CCNY: variants seen among roughly 807,000 people sequenced by gnomAD.
CCNY encodes cyclin-Y.
A neutral mutation model predicts 42.8 loss-of-function variants in CCNY; 19 were observed. The ratio of observed to expected loss-of-function variants is 0.44; its 90% CI spans 0.31 to 0.65. The LOEUF is 0.65. Among genes scored for constraint, CCNY ranks in the 30% least tolerant of loss-of-function variants. CCNY has a pLI of 0.07. For missense variants in CCNY, 370 were observed against 437.3 expected, an observed-to-expected ratio of 0.85 and a Z score of 1.37; for synonymous variants, 165 against 162.7, an observed-to-expected ratio of 1.01 and a Z score of -0.11.
intron 3 of CCNY, among the ~76,000 whole-genome samples, chr10:35,280,298 G>C (rs1008369569): frequency 1.1e-4 from 17 of 151,612 alleles, no homozygotes; most frequent in Non-Finnish European, 2.1e-4. Flanking sequence ...CTGCATTCCA[G>C]CCTGGGTGAA....
At chr10:35,317,726 G>A (rs556804453) in intron 3 of CCNY, among the ~76,000 whole-genome samples, 4 of 152,196 alleles carry the variant, frequency 2.6e-5, no homozygotes, top group Non-Finnish European at 4.4e-5. Context: ...AAGTGTGTGC[G>A]CTCCCAGGGA....
intron 1 of CCNY, among the ~76,000 whole-genome samples, chr10:35,419,913 T>TA (rs1250269558): frequency 1.3e-5 from 2 of 150,964 alleles, no homozygotes; most frequent in Non-Finnish European, 2.9e-5. Context: ...AAGAAATAGA[T>TA]ATGGCTGTAA....
chr10:35,270,735 T>TTC, intron 3 of CCNY, among the ~76,000 whole-genome samples: 1 of 148,588 alleles, frequency 6.7e-6, no homozygotes. Flanking sequence ...TTTCTTTTTT[T>TTC]TTTTTTTTGA....
rs1455326704 is a variant in CCNY, at chr10:35,365,785, A to G, written c.154+28578A>G. Reference sequence around the variant, plus strand: ...GTATTAACCTTAGAGGAAGCTGGGTAAAGGGTATATGGGAACTGAACTATT... The same window carrying G: ...GTATTAACCTTAGAGGAAGCTGGGTGAAGGGTATATGGGAACTGAACTATT... On this transcript the variant is annotated intron_variant, in intron 1 of 9. Transcript: ENST00000374704. Among the ~76,000 whole-genome samples the G allele has an allele frequency of 2.6e-5, 4 of 152,246 alleles. No homozygotes were observed. The South Asian group carries it at 6.2e-4, about 24-fold the overall frequency.
At chr10:35,557,785 T>G (rs1246562636) in intron 8 of CCNY, among the ~76,000 whole-genome samples, 1 of 152,204 alleles carries the variant, frequency 6.6e-6, no homozygotes, top group Non-Finnish European at 1.5e-5. Context: ...TATAAATTAT[T>G]AAATATACAA....
At position 35,465,905 on chromosome 10, in the gene CCNY, A is replaced by AAGAGAG. The variant is rs56166429; in HGVS notation, c.155-17470_155-17465dup. 1.9e-4 allele frequency among the ~76,000 whole-genome samples: 19 copies of AAGAGAG among 99,222 alleles called. 1 individual carries two copies. The highest frequency in any genetic ancestry group is 6.3e-4 in the East Asian group (2 of 3,158). The allele number at this position is 99,222 out of a possible 152,430, so 65.1% of individuals were successfully genotyped here. A position where few individuals can be genotyped will look rare whatever the true frequency, so the allele number is the denominator to read the frequency against. ...TCAGGATTATCAGCAGGGTAGGGGG[A>AAGAGAG]AGAGAGAGAGAGAGAGAGAGAGAGA... On this transcript the variant is annotated intron_variant, in intron 1 of 9. Coordinates refer to ENST00000374704, the MANE Select transcript of CCNY (RefSeq NM_145012.6).
intron 3 of CCNY, among the ~76,000 whole-genome samples, chr10:35,286,012 A>T (rs369485540): frequency 2.0e-5 from 3 of 150,982 alleles, no homozygotes; most frequent in Non-Finnish European, 4.4e-5. Context: ...GGGTTTCTCC[A>T]TGTTGGTCAG....
At chr10:35,459,674 T>G (rs754798163) in intron 1 of CCNY, among the ~76,000 whole-genome samples, 2 of 152,044 alleles carry the variant, frequency 1.3e-5, no homozygotes, top group Non-Finnish European at 2.9e-5. Context: ...TCCTCCTAGG[T>G]TAGTAGTAGC....
At chr10:35,256,265 C>T (rs2095715402) in intron 3 of CCNY, among the ~76,000 whole-genome samples, 1 of 151,538 alleles carries the variant, frequency 6.6e-6, no homozygotes, top group Non-Finnish European at 1.5e-5. Context: ...ACTTTTTTGT[C>T]CCATGCTTCC....
At chr10:35,390,979 G>A (rs1837401051) in intron 1 of CCNY, among the ~76,000 whole-genome samples, 1 of 152,156 alleles carries the variant, frequency 6.6e-6, no homozygotes, top group Admixed American at 6.5e-5. Flanking sequence ...TTCTTAAAGT[G>A]GAAAGAGTAC....
At position 35,495,990 on chromosome 10, in the gene CCNY, T is replaced by C. The variant is rs147244404; in HGVS notation, c.230-5511T>C. Among the ~76,000 whole-genome samples, 513 of 152,338 alleles carry C rather than the reference T, an allele frequency of 3.4e-3. 4 individuals are homozygous for C. The highest frequency in any genetic ancestry group is 0.012 in the African/African-American group (483 of 41,568). On this transcript the variant is annotated intron_variant, in intron 2 of 9. Transcript: ENST00000374704. The stretch of plus-strand genomic sequence containing the variant: ...ACTATAAGAAAAGTTAATAGTAAAC[T>C]TTTAATTTTATTGTTCAAGGCCTGA...
chr10:35,331,994 T>A (rs138349064), upstream of CCNY, among the ~76,000 whole-genome samples: 1 of 152,150 alleles, frequency 6.6e-6, no homozygotes, highest in Non-Finnish European at 1.5e-5. Context: ...CAGTATACTC[T>A]CAAAAATGTT....
At chr10:35,308,245 C>T (rs566153958) in intron 3 of CCNY, among the ~76,000 whole-genome samples, 16 of 152,042 alleles carry the variant, frequency 1.1e-4, no homozygotes, top group South Asian at 1.0e-3. Flanking sequence ...TGGCAGAGCA[C>T]GCAAAAGAGG....
At chr10:35,433,283 A>G (rs1170219055) in intron 1 of CCNY, among the ~76,000 whole-genome samples, 1 of 152,120 alleles carries the variant, frequency 6.6e-6, no homozygotes, top group African/African-American at 2.4e-5. Context: ...AATAAAATAC[A>G]TTTTTCCTTT....
chr10:35,551,525 ATTTTG>A (rs900933759), intron 7 of CCNY, among the ~76,000 whole-genome samples: 2 of 151,946 alleles, frequency 1.3e-5, no homozygotes, highest in African/African-American at 4.8e-5. Context: ...TGTCTGTTTA[ATTTTG>A]TTTTTTTTTC....
At chr10:35,294,504 C>T (rs1257060141) in intron 3 of CCNY, among the ~76,000 whole-genome samples, 2 of 152,120 alleles carry the variant, frequency 1.3e-5, no homozygotes, top group African/African-American at 4.8e-5. Flanking sequence ...TTTTCTACAG[C>T]TATTGAGATA....
chr10:35,426,305 T>C (rs1396747198), intron 1 of CCNY, among the ~76,000 whole-genome samples: 1 of 152,118 alleles, frequency 6.6e-6, no homozygotes, highest in Non-Finnish European at 1.5e-5. Context: ...TCAAACCTTC[T>C]CTGCAAACAT....
At chr10:35,458,604 T>C (rs773741935) in intron 1 of CCNY, among the ~76,000 whole-genome samples, 5 of 152,230 alleles carry the variant, frequency 3.3e-5, no homozygotes, top group Non-Finnish European at 7.3e-5. Context: ...CCTCAGAAAT[T>C]ACATTCCAGT....
At chr10:35,567,737 T>C (rs1251971521) in intron 9 of CCNY, among the ~76,000 whole-genome samples, 1 of 152,140 alleles carries the variant, frequency 6.6e-6, no homozygotes, top group African/African-American at 2.4e-5. Context: ...AATATGTTAA[T>C]TCCAAGAAGT....
Sources: allele counts gnomAD v4.1 joint callset (sites outside exome capture counted in the v4.1 genomes callset), GRCh38; gene constraint gnomAD v4.1.1; transcripts MANE v1.5; gene names NCBI Gene and HGNC (gene_info 2026-07-23, HGNC 2026-07-21).